The following LAMA2 variants were observed in gnomAD, a reference collection of about 807,000 sequenced individuals.
LAMA2 encodes the protein laminin subunit alpha 2.
A neutral mutation model predicts 364.8 loss-of-function variants in LAMA2; 269 were observed. That is an observed-to-expected ratio of 0.74 (90% confidence interval 0.67 to 0.82). LAMA2 has a LOEUF of 0.82. Ranked by LOEUF, LAMA2 falls within the 40% of genes least tolerant of loss-of-function variation. The pLI, the probability that LAMA2 is intolerant of heterozygous loss-of-function variation, is 0.00. For missense variants in LAMA2, 3,807 were observed against 3,873.2 expected (o/e 0.98, Z 0.45); for synonymous variants, 1,379 against 1,370.6 (o/e 1.01, Z -0.14).
intron 41 of LAMA2, chr6:129,436,934 T>C (rs2437087): frequency 0.98 from 148,792 of 152,210 alleles, 72,739 homozygotes; most frequent in East Asian, 1. Flanking sequence ...AATGCTATTC[T>C]ACTCTGAATA....
intron 3 of LAMA2, among the ~76,000 whole-genome samples, chr6:129,091,325 T>G (rs1774812030): frequency 6.6e-6 from 1 of 152,212 alleles, no homozygotes; most frequent in Non-Finnish European, 1.5e-5. Context: ...TTATCATTAG[T>G]CATCCAGTTA....
At chr6:129,071,497 G>A (rs1773310454) in intron 3 of LAMA2, among the ~76,000 whole-genome samples, 1 of 151,914 alleles carries the variant, frequency 6.6e-6, no homozygotes. Flanking sequence ...GGATACCTAT[G>A]TTATTAATAT....
rs181590919 is a variant in LAMA2 at position 129,197,239 on chromosome 6, C to A, written c.1782+4386C>A. On this transcript the variant is annotated intron_variant, in intron 12 of 64. Transcript: ENST00000421865. ...GGGAAATTTGCATTCTATAGAGAAT[C>A]TCCTTCCCTTACTAAGTCTTTTCTG... Among the ~76,000 whole-genome samples the A allele has an allele frequency of 2.7e-4, 41 of 152,300 alleles. No individual in the cohort carries two copies. The East Asian group carries it at 6.2e-3, about 23-fold the overall frequency.
At position 129,149,074 on chromosome 6, in the gene LAMA2, T is replaced by C; in HGVS notation, c.1005T>C (p.Phe335=). Residue 335 remains phenylalanine, a synonymous_variant, in exon 7 of 65, where the codon TTT becomes TTC. Coordinates refer to ENST00000421865, the MANE Select transcript of LAMA2 (RefSeq NM_000426.4). ...FHQKPWRAGT[F]LTKTECEACN... is the part of the protein sequence containing the mutation. ...AGAAACCCTGGAGAGCTGGAACTTT[T>C]CTAACTAAAACTGAATGTGAAGGTA... 1 of 1,607,576 alleles carries C rather than the reference T, an allele frequency of 6.2e-7. No individual in the cohort carries two copies. The highest frequency in any genetic ancestry group is 8.5e-7 in the Non-Finnish European group (1 of 1,174,160).
chr6:129,103,314 T>G (rs1775621812), intron 4 of LAMA2, among the ~76,000 whole-genome samples: 1 of 152,352 alleles, frequency 6.6e-6, no homozygotes, highest in Admixed American at 6.5e-5. Flanking sequence ...TGGAATTATG[T>G]TAAGTTTACA....
intron 35 of LAMA2, among the ~76,000 whole-genome samples, chr6:129,386,180 A>G (rs1779005094): frequency 6.6e-6 from 1 of 152,118 alleles, no homozygotes; most frequent in South Asian, 2.1e-4. Context: ...GGAAATAAAT[A>G]AGTAAATTCC....
chr6:128,944,244 T>C (rs1780357514), intron 1 of LAMA2, among the ~76,000 whole-genome samples: 2 of 152,152 alleles, frequency 1.3e-5, no homozygotes, highest in Non-Finnish European at 2.9e-5. Flanking sequence ...CCACCTAGAT[T>C]AAATGAATTA....
At chr6:128,922,467 A>C (rs1418752995) in intron 1 of LAMA2, among the ~76,000 whole-genome samples, 2 of 151,394 alleles carry the variant, frequency 1.3e-5, no homozygotes, top group Admixed American at 6.6e-5. Context: ...AGTGATGGTG[A>C]GCATTTTTTC....
chr6:128,981,021 CTT>C (rs1019783492), intron 1 of LAMA2, among the ~76,000 whole-genome samples: 1 of 152,112 alleles, frequency 6.6e-6, no homozygotes, highest in Non-Finnish European at 1.5e-5. Context: ...CAAACGGACT[CTT>C]TCCCATATTT....
At chr6:129,148,827 C>A (rs1778632388) in intron 6 of LAMA2, 152 bp from the exon 7 acceptor site, 2 of 744,776 alleles carry the variant, frequency 2.7e-6, no homozygotes, top group Non-Finnish European at 4.9e-6. Context: ...CCACTTCAAG[C>A]CTGGCACCAC....
chr6:129,006,433 G>A (rs1260179845), intron 1 of LAMA2, among the ~76,000 whole-genome samples: 1 of 152,052 alleles, frequency 6.6e-6, no homozygotes, highest in Non-Finnish European at 1.5e-5. Flanking sequence ...TTAGAGGCTG[G>A]AGAATAGGCA....
chr6:129,318,101 T>C (rs1171761223), intron 27 of LAMA2, among the ~76,000 whole-genome samples: 1 of 152,174 alleles, frequency 6.6e-6, no homozygotes, highest in Non-Finnish European at 1.5e-5. Context: ...TGTAAGGCAG[T>C]GGAATTGTGG....
At chr6:129,209,100 C>T (rs55797551) in intron 12 of LAMA2, among the ~76,000 whole-genome samples, 9,480 of 151,934 alleles carry the variant, frequency 0.062, 357 homozygotes, top group African/African-American at 0.088. Flanking sequence ...GCCTTAAGCT[C>T]GTTTTTACTC....
intron 1 of LAMA2, among the ~76,000 whole-genome samples, chr6:128,981,825 C>G (rs76202996): frequency 0.017 from 2,622 of 152,254 alleles, 52 homozygotes; most frequent in African/African-American, 0.05. Flanking sequence ...AAATACTCTT[C>G]TTACTGCTTT....
At chr6:129,381,967 C>T (rs1204534389) in intron 34 of LAMA2, among the ~76,000 whole-genome samples, 1 of 152,152 alleles carries the variant, frequency 6.6e-6, no homozygotes, top group East Asian at 1.9e-4. Context: ...CTTGGAAAAT[C>T]ACAAAATGCA....
chr6:129,355,026 G>C (rs908179682), intron 32 of LAMA2, among the ~76,000 whole-genome samples: 1 of 152,084 alleles, frequency 6.6e-6, no homozygotes, highest in Non-Finnish European at 1.5e-5. Context: ...ATTTACAGGG[G>C]TTATACATGG....
chr6:129,503,579 G>A (rs1407708645), intron 60 of LAMA2, among the ~76,000 whole-genome samples: 1 of 152,218 alleles, frequency 6.6e-6, no homozygotes, highest in Non-Finnish European at 1.5e-5. Context: ...ACTGCTCTAA[G>A]TGAGAAACGT....
intron 19 of LAMA2, 96 bp from the exon 20 acceptor site, chr6:129,291,518 G>A: frequency 1.2e-6 from 1 of 836,662 alleles, no homozygotes; most frequent in South Asian, 1.4e-5. Context: ...CTGAACTTAG[G>A]CGTCCATGTT....
At chr6:129,373,591 G>A (rs1208919699) in intron 34 of LAMA2, among the ~76,000 whole-genome samples, 1 of 152,038 alleles carries the variant, frequency 6.6e-6, no homozygotes, top group African/African-American at 2.4e-5. Flanking sequence ...AGGATCCCAT[G>A]CAGGATACTA....
Sources: gnomAD v4.1 joint callset for allele counts (sites outside exome capture counted in the v4.1 genomes callset) on GRCh38, gnomAD v4.1.1 for gene constraint, MANE v1.5 for transcripts, NCBI Gene and HGNC (gene_info 2026-07-23, HGNC 2026-07-21) for gene names.